The following ZNF280C variants were observed in gnomAD, a reference collection of about 807,000 sequenced individuals.
The protein encoded by ZNF280C is zinc finger protein 280C.
Under a neutral mutation model 53.6 loss-of-function variants are expected in ZNF280C, and 14 were observed. The observed-to-expected ratio is 0.26, with a 90% CI of 0.17 to 0.41. ZNF280C has a LOEUF of 0.41. Ranked by LOEUF, ZNF280C falls within the 10% of genes least tolerant of loss-of-function variation. The probability of loss-of-function intolerance (pLI) is 1.00; values close to 1 mark genes in which losing one functional copy is unlikely to be tolerated. For missense variants in ZNF280C, 416 were observed against 547.1 expected, an observed-to-expected ratio of 0.76 and a Z score of 2.39; for synonymous variants, 203 against 181.1, an observed-to-expected ratio of 1.12 and a Z score of -0.97.
At chrX:130,219,549 A>G (rs1199170280) in intron 13 of ZNF280C, among the ~76,000 whole-genome samples, 2 of 105,813 alleles carry the variant, frequency 1.9e-5, no homozygotes, top group Non-Finnish European at 1.9e-5. Context: ...GCAAAGAAGG[A>G]GAAAGAAATT....
At chrX:130,223,378 G>C (rs1263457325) in intron 12 of ZNF280C, among the ~76,000 whole-genome samples, 1 of 112,034 alleles carries the variant, frequency 8.9e-6, no homozygotes, top group Non-Finnish European at 1.9e-5. Context: ...ATTTTCAAGG[G>C]TAACTATCTG....
chrX:130,205,192 T>A (rs2096022875), intron 17 of ZNF280C, 39 bp from the exon 18 acceptor site: 1 of 1,154,316 alleles, frequency 8.7e-7, no homozygotes. Flanking sequence ...ATAGCATATA[T>A]GAAGAGTGAG....
chrX:130,256,449 T>G (rs1297416818), intron 2 of ZNF280C, among the ~76,000 whole-genome samples: 1 of 110,187 alleles, frequency 9.1e-6, no homozygotes, highest in East Asian at 2.9e-4. Context: ...GGCGCGGTGG[T>G]GGTGCACGCC....
intron 1 of ZNF280C, among the ~76,000 whole-genome samples, chrX:130,263,245 TTTGCACACAA>T (rs2032650031): frequency 8.9e-6 from 1 of 112,034 alleles, no homozygotes; most frequent in South Asian, 3.7e-4. Context: ...CACACAAAAA[TTTGCACACAA>T]ATGTTCACAG....
chrX:130,203,401 A>T lies in ZNF280C; in HGVS notation c.*1576T>A, dbSNP rs1413335031. The T allele has an allele frequency of 1.8e-5, 2 of 112,186 alleles. No homozygotes were observed. The highest frequency in any genetic ancestry group is 3.8e-5 in the Non-Finnish European group (2 of 53,199). 9.2% of individuals were successfully genotyped at this position (112,186 alleles called of 1,213,427 possible). On this transcript the variant is annotated 3_prime_UTR_variant, in exon 19 of 19. Coordinates refer to ENST00000370978, the MANE Select transcript of ZNF280C (RefSeq NM_017666.5). Reference sequence around the variant, plus strand: ...GTCGGGTGCAGTGGCTCACACCTGTAATCCCAGCACTTTGGGAGGACGAGG... The same window carrying T: ...GTCGGGTGCAGTGGCTCACACCTGTTATCCCAGCACTTTGGGAGGACGAGG...
intron 8 of ZNF280C, among the ~76,000 whole-genome samples, chrX:130,232,026 C>CA (rs758028690): frequency 2.1e-3 from 111 of 53,759 alleles, no homozygotes; most frequent in Middle Eastern, 0.01. Context: ...GACTCCGTCT[C>CA]AAAAAAAAAA....
At chrX:130,208,379 C>T (rs896680613) in intron 16 of ZNF280C, among the ~76,000 whole-genome samples, 1 of 111,694 alleles carries the variant, frequency 9.0e-6, no homozygotes, top group East Asian at 2.8e-4. Context: ...ATCCACCCGC[C>T]TTGGCCTCCC....
At chrX:130,229,367 T>C (rs1046698289) in intron 9 of ZNF280C, among the ~76,000 whole-genome samples, 2 of 112,267 alleles carry the variant, frequency 1.8e-5, no homozygotes, top group Non-Finnish European at 3.8e-5. Flanking sequence ...TGTAGTAGTA[T>C]GAAACATCAC....
intron 2 of ZNF280C, among the ~76,000 whole-genome samples, chrX:130,257,570 C>T (rs761993586): frequency 2.9e-4 from 32 of 110,760 alleles, no homozygotes; most frequent in African/African-American, 8.5e-4. Flanking sequence ...AATTGAGAAA[C>T]GTGGAATTAT....
rs1281364520 is a variant in ZNF280C, at chrX:130,205,218, C to A, written c.2162-65G>T. ...GAAGAGTGAGACTATCAATTTAATA[C>A]ATGGGTCCATATGGTGTCCGATCAA... On this transcript the variant is annotated intron_variant, in intron 17 of 18. Coordinates refer to ENST00000370978, the MANE Select transcript of ZNF280C (RefSeq NM_017666.5). The A allele has an allele frequency of 7.3e-6, 8 of 1,099,958 alleles. No homozygotes were observed. In the East Asian group the frequency reaches 1.5e-4, roughly 21 times the overall value. The allele number at this position is 1,099,958 out of a possible 1,213,427, so 90.6% of individuals were successfully genotyped here.
intron 5 of ZNF280C, among the ~76,000 whole-genome samples, chrX:130,242,001 G>GGGT (rs1556310419): frequency 2.8e-5 from 1 of 36,287 alleles, no homozygotes; most frequent in Non-Finnish European, 4.5e-5. Flanking sequence ...TTGGGAAGCC[G>GGGT]GGGGGGGGCG....
chrX:130,205,700 G>GA (rs2124694748), intron 16 of ZNF280C, among the ~76,000 whole-genome samples: 1 of 109,513 alleles, frequency 9.1e-6, no homozygotes, highest in East Asian at 2.8e-4. Context: ...CCAATATGGT[G>GA]AAACCTCGTC....
chrX:130,251,438 C>A (rs1023744478), intron 2 of ZNF280C, among the ~76,000 whole-genome samples: 16 of 110,563 alleles, frequency 1.4e-4, no homozygotes, highest in African/African-American at 4.9e-4. Context: ...AATACAAAAA[C>A]AAAAGAAAAT....
chrX:130,230,178 G>GT (rs1250287606), intron 9 of ZNF280C, among the ~76,000 whole-genome samples: 1 of 111,887 alleles, frequency 8.9e-6, no homozygotes, highest in Non-Finnish European at 1.9e-5. Flanking sequence ...ATGAAGAAAA[G>GT]TAAGATTCAA....
At chrX:130,247,124 A>T (rs2032458434) in intron 2 of ZNF280C, 119 bp from the exon 3 acceptor site, 2 of 766,183 alleles carry the variant, frequency 2.6e-6, no homozygotes, top group Non-Finnish European at 3.7e-6. Flanking sequence ...TACTGACTTG[A>T]TATTTGTTTG....
chrX:130,209,151 C>T (rs1766578857), intron 16 of ZNF280C, among the ~76,000 whole-genome samples: 1 of 111,891 alleles, frequency 8.9e-6, no homozygotes, highest in South Asian at 3.7e-4. Flanking sequence ...GCCTGGCAAA[C>T]ATCTGTCAAC....
chrX:130,254,521 T>C (rs2032545226), intron 2 of ZNF280C, among the ~76,000 whole-genome samples: 1 of 112,158 alleles, frequency 8.9e-6, no homozygotes, highest in Non-Finnish European at 1.9e-5. Flanking sequence ...TGCCCATCAA[T>C]GGTAGACTGG....
chrX:130,251,300 A>AAAAAAAAAAAAAAAAAAAAAAAAC (rs1193088666), intron 2 of ZNF280C, among the ~76,000 whole-genome samples: 1 of 102,085 alleles, frequency 9.8e-6, no homozygotes, highest in Non-Finnish European at 2.0e-5. Context: ...AAAAAAAAAA[A>AAAAAAAAAAAAAAAAAAAAAAAAC]AAAAAAAGAC....
chrX:130,206,144 T>C (rs1039400377), intron 16 of ZNF280C, among the ~76,000 whole-genome samples: 3 of 110,819 alleles, frequency 2.7e-5, no homozygotes, highest in Non-Finnish European at 5.7e-5. Flanking sequence ...ATTGTAGATA[T>C]AACAGTAAAC....
Sources: allele counts gnomAD v4.1 joint callset (sites outside exome capture counted in the v4.1 genomes callset), GRCh38; gene constraint gnomAD v4.1.1; transcripts MANE v1.5; gene names NCBI Gene and HGNC (gene_info 2026-07-23, HGNC 2026-07-21).